The following DCAF6 variants were observed in gnomAD, a reference collection of about 807,000 sequenced individuals.
DCAF6 encodes the protein DDB1 and CUL4 associated factor 6.
In DCAF6, 54 loss-of-function variants were observed where a neutral mutation model predicts 125.1. The observed-to-expected ratio is 0.43, with a 90% CI of 0.35 to 0.54. DCAF6 has a LOEUF of 0.54. Among genes scored for constraint, DCAF6 ranks in the 20% least tolerant of loss-of-function variants. The probability of loss-of-function intolerance (pLI) is 0.01; values close to 1 mark genes in which losing one functional copy is unlikely to be tolerated. For missense variants in DCAF6, 934 were observed against 1,161.7 expected, an observed-to-expected ratio of 0.80 and a Z score of 2.85; for synonymous variants, 371 against 390.4, an observed-to-expected ratio of 0.95 and a Z score of 0.58.
chr1:167,893,384 T>G, the DCAF6 span, among the ~76,000 whole-genome samples: 22 of 152,122 alleles, frequency 1.4e-4, no homozygotes, highest in Admixed American at 1.3e-4. Flanking sequence ...TATTGAGATT[T>G]GAACAATGAA....
rs1289033737 is a variant in DCAF6, at chr1:167,987,899, T to A, written c.552+291T>A. ...CAAATAATTTGTTCAGTATATACTG[T>A]CTAATATAAAAACCTGAAGAATTTA... On this transcript the variant is annotated intron_variant, in intron 5 of 21. Coordinates refer to ENST00000367840, the MANE Select transcript of DCAF6 (RefSeq NM_001198956.2). Among the ~76,000 whole-genome samples, 5 of 152,170 alleles carry A rather than the reference T, an allele frequency of 3.3e-5. No individual in the cohort carries two copies. In the East Asian group the frequency reaches 9.6e-4, roughly 29 times the overall value.
At chr1:168,026,826 T>A (rs1686404164) in intron 12 of DCAF6, among the ~76,000 whole-genome samples, 1 of 151,920 alleles carries the variant, frequency 6.6e-6, no homozygotes, top group African/African-American at 2.4e-5. Flanking sequence ...GAGGTAGAAA[T>A]AAAGGTAAGG....
intron 10 of DCAF6, among the ~76,000 whole-genome samples, chr1:168,012,446 G>A (rs1197795906): frequency 6.6e-6 from 1 of 151,982 alleles, no homozygotes; most frequent in Non-Finnish European, 1.5e-5. Flanking sequence ...TTTTATCATC[G>A]TTGTTTTTAA....
intron 16 of DCAF6, among the ~76,000 whole-genome samples, chr1:168,050,087 A>G (rs1161300009): frequency 1.3e-5 from 2 of 150,060 alleles, no homozygotes; most frequent in Non-Finnish European, 3.0e-5. Flanking sequence ...ACAAGCATCT[A>G]AGAAAGCTTC....
intron 11 of DCAF6, among the ~76,000 whole-genome samples, chr1:168,022,776 C>G (rs1404048694): frequency 1.3e-5 from 2 of 152,322 alleles, no homozygotes; most frequent in East Asian, 1.9e-4. Context: ...AGAATAGTTT[C>G]TCAACTCATT....
chr1:168,073,518 C>G (rs947453967), intron 21 of DCAF6, among the ~76,000 whole-genome samples: 2 of 151,664 alleles, frequency 1.3e-5, no homozygotes, highest in African/African-American at 4.9e-5. Flanking sequence ...CCTCATTTGT[C>G]TCTTTATTGT....
chr1:168,069,211 A>T (rs1196268987), intron 21 of DCAF6, among the ~76,000 whole-genome samples: 1 of 152,194 alleles, frequency 6.6e-6, no homozygotes, highest in Non-Finnish European at 1.5e-5. Context: ...ACTGATAAAT[A>T]TTAAAGCCAG....
intron 4 of DCAF6, 27 bp from the exon 5 acceptor site, chr1:167,987,468 T>C (rs150740345): frequency 9.3e-7 from 1 of 1,071,478 alleles, no homozygotes; most frequent in Non-Finnish European, 1.4e-6. Context: ...TTCGTATGAT[T>C]ATCTGCACTT....
At chr1:167,903,986 T>G in the DCAF6 span, 1 of 1,610,522 alleles carries the variant, frequency 6.2e-7, no homozygotes, top group Non-Finnish European at 8.5e-7. Context: ...GTCATTGCAG[T>G]AAAACCTGGA....
chr1:168,016,057 G>T, intron 11 of DCAF6, 106 bp downstream of exon 11: 1 of 996,636 alleles, frequency 1.0e-6, no homozygotes, highest in Non-Finnish European at 1.3e-6. Flanking sequence ...GAGCTAATGC[G>T]CTTGCAGCTT....
intron 2 of DCAF6, among the ~76,000 whole-genome samples, chr1:167,960,825 G>A (rs190991797): frequency 7.0e-4 from 106 of 152,242 alleles, no homozygotes; most frequent in African/African-American, 2.4e-3. Context: ...TGGCTAGCCC[G>A]AGTCTTTGGC....
intron 2 of DCAF6, among the ~76,000 whole-genome samples, chr1:167,959,108 A>C (rs1216974995): frequency 6.6e-6 from 1 of 152,178 alleles, no homozygotes; most frequent in African/African-American, 2.4e-5. Context: ...CCTTTTCCAG[A>C]ATGTCATATA....
the DCAF6 span, among the ~76,000 whole-genome samples, chr1:167,893,053 T>C: frequency 6.6e-6 from 1 of 152,150 alleles, no homozygotes; most frequent in Non-Finnish European, 1.5e-5. Context: ...ATAGTTATAA[T>C]TCACATGGAA....
chr1:167,900,691 C>T, the DCAF6 span, among the ~76,000 whole-genome samples: 1 of 152,138 alleles, frequency 6.6e-6, no homozygotes, highest in Non-Finnish European at 1.5e-5. Context: ...CGCCATCACG[C>T]CTGGCTAATT....
chr1:168,046,355 G>A (rs1348417032), intron 16 of DCAF6, among the ~76,000 whole-genome samples: 1 of 152,038 alleles, frequency 6.6e-6, no homozygotes, highest in East Asian at 1.9e-4. Context: ...ATTTTTAAAA[G>A]AATTACAGTA....
the DCAF6 span, among the ~76,000 whole-genome samples, chr1:167,865,211 ATG>A: frequency 1.3e-5 from 2 of 152,220 alleles, no homozygotes; most frequent in Non-Finnish European, 2.9e-5. Flanking sequence ...AGGCATAAGA[ATG>A]TGGATTTTTA....
the DCAF6 span, among the ~76,000 whole-genome samples, chr1:167,897,713 A>AAAT: frequency 0.071 from 1 of 14 alleles, no homozygotes; most frequent in African/African-American, 0.12. Context: ...AATATCAACA[A>AAAT]GGCCGGGCGC....
intron 2 of DCAF6, among the ~76,000 whole-genome samples, chr1:167,964,235 C>T (rs115712172): frequency 0.028 from 4,303 of 152,276 alleles, 217 homozygotes; most frequent in African/African-American, 0.095. Flanking sequence ...AGTAGGTCTG[C>T]TGGCAACAAA....
At chr1:168,040,067 G>T (rs1393413667) in intron 13 of DCAF6, among the ~76,000 whole-genome samples, 2 of 151,948 alleles carry the variant, frequency 1.3e-5, no homozygotes, top group Non-Finnish European at 2.9e-5. Flanking sequence ...GACAATGGAG[G>T]AAAATAGAGC....
Sources: allele counts gnomAD v4.1 joint callset (sites outside exome capture counted in the v4.1 genomes callset), GRCh38; gene constraint gnomAD v4.1.1; transcripts MANE v1.5; gene names NCBI Gene and HGNC (gene_info 2026-07-23, HGNC 2026-07-21).